The following CERKL variants were observed in gnomAD, a reference collection of about 807,000 sequenced individuals.
The protein encoded by CERKL is ceramide kinase-like protein.
Under a neutral mutation model 63.4 loss-of-function variants are expected in CERKL, and 61 were observed. The ratio of observed to expected loss-of-function variants is 0.96; its 90% CI spans 0.78 to 1.19. The LOEUF is 1.19. Ranked by LOEUF, CERKL falls within the 50% of genes most tolerant of loss-of-function variation. CERKL has a pLI of 0.00. For missense variants in CERKL, 675 were observed against 655.5 expected (o/e 1.03, Z -0.33); for synonymous variants, 250 against 230.5 (o/e 1.08, Z -0.77).
intron 7 of CERKL, 33 bp downstream of exon 7, chr2:181,548,647 G>A (rs1559071917): frequency 1.2e-6 from 2 of 1,612,302 alleles, no homozygotes; most frequent in Admixed American, 1.7e-5. Context: ...ATTGAACCTG[G>A]GATACAATTT....
intron 1 of CERKL, among the ~76,000 whole-genome samples, chr2:181,648,750 T>C (rs565100741): frequency 8.2e-4 from 125 of 152,238 alleles, no homozygotes; most frequent in African/African-American, 2.6e-3. Context: ...AGGGAACACA[T>C]ACTAAAGAAA....
chr2:181,644,730 T>C (rs1263193651), intron 1 of CERKL, among the ~76,000 whole-genome samples: 1 of 152,166 alleles, frequency 6.6e-6, no homozygotes, highest in Non-Finnish European at 1.5e-5. Flanking sequence ...TTGCATTCAA[T>C]GTCTCAGTAT....
chr2:181,581,476 C>G (rs1684508227), intron 2 of CERKL, among the ~76,000 whole-genome samples: 1 of 152,150 alleles, frequency 6.6e-6, no homozygotes, highest in South Asian at 2.1e-4. Context: ...ATGGTAAGAC[C>G]AGTGAATCCT....
In CERKL at chr2:181,538,138, A is replaced by T. The variant is rs1296146344; in HGVS notation, c.*46T>A. Reference sequence around the variant, plus strand: ...GTTTAAAGCATGGCCACATTTCTTTATATTAAAATTCTAGTTTGTACATTT... The same window carrying T: ...GTTTAAAGCATGGCCACATTTCTTTTTATTAAAATTCTAGTTTGTACATTT... On this transcript the variant is annotated 3_prime_UTR_variant, in exon 13 of 13. Coordinates refer to ENST00000410087, the MANE Select transcript of CERKL (RefSeq NM_201548.5). The T allele has an allele frequency of 7.8e-7, 1 of 1,288,484 alleles. No homozygotes were observed. The highest frequency in any genetic ancestry group is 1.2e-5 in the South Asian group (1 of 83,860). 79.8% of individuals were successfully genotyped at this position (1,288,484 alleles called of 1,614,324 possible).
intron 8 of CERKL, 96 bp downstream of exon 8, chr2:181,548,449 A>G (rs1465868513): frequency 1.0e-6 from 1 of 977,814 alleles, no homozygotes; most frequent in Admixed American, 2.0e-5. Flanking sequence ...TATGTTAGAA[A>G]AATAACCAAA....
intron 1 of CERKL, among the ~76,000 whole-genome samples, chr2:181,638,203 CTAA>C (rs974489024): frequency 6.6e-6 from 1 of 152,108 alleles, no homozygotes; most frequent in African/African-American, 2.4e-5. Flanking sequence ...TTTGAAAAAC[CTAA>C]GTAACAAGGT....
intron 1 of CERKL, among the ~76,000 whole-genome samples, chr2:181,632,525 G>C (rs371129722): frequency 6.6e-6 from 1 of 152,084 alleles, no homozygotes; most frequent in African/African-American, 2.4e-5. Context: ...AAACAATTAC[G>C]GGTGCACCTG....
intron 1 of CERKL, among the ~76,000 whole-genome samples, chr2:181,627,277 T>C (rs966436746): frequency 3.9e-5 from 6 of 152,124 alleles, no homozygotes; most frequent in Non-Finnish European, 8.8e-5. Context: ...GCATCCTGAG[T>C]GCCTCCTAAA....
intron 4 of CERKL, among the ~76,000 whole-genome samples, chr2:181,561,550 T>A (rs1185317800): frequency 6.6e-6 from 1 of 152,042 alleles, no homozygotes. Context: ...TATCCCAAAA[T>A]GTATTTTGTT....
chr2:181,652,106 T>G (rs1687963751), intron 1 of CERKL, among the ~76,000 whole-genome samples: 1 of 152,104 alleles, frequency 6.6e-6, no homozygotes, highest in African/African-American at 2.4e-5. Context: ...TTAATGCAAT[T>G]GCTATCAGAA....
intron 2 of CERKL, among the ~76,000 whole-genome samples, chr2:181,577,796 G>GT (rs1684317897): frequency 6.6e-6 from 1 of 152,084 alleles, no homozygotes; most frequent in Admixed American, 6.5e-5. Context: ...GGCAGTAGGG[G>GT]GAAGGGGTCT....
rs36086391 is a variant in CERKL, at chr2:181,554,164, CAAAAAAAAAA to C, written c.820+4392_820+4401del. Among the ~76,000 whole-genome samples, 48 of 94,258 alleles carry C rather than the reference CAAAAAAAAAA, an allele frequency of 5.1e-4. 1 individual carries two copies. The highest frequency in any genetic ancestry group is 1.6e-3 in the African/African-American group (40 of 24,324). The allele number at this position is 94,258 out of a possible 152,430, so 61.8% of individuals were successfully genotyped here. A position where few individuals can be genotyped will look rare whatever the true frequency, so the allele number is the denominator to read the frequency against. On this transcript the variant is annotated intron_variant, in intron 5 of 12. Transcript: ENST00000410087. ...AAATACCAGGGAGAAACTATGGAGGCAAAAAAAAAAAAAAAAAAAAAATGTCCTTGGAAGT... is the reference window on the plus strand; with the variant it reads ...AAATACCAGGGAGAAACTATGGAGGCAAAAAAAAAAAATGTCCTTGGAAGT...
chr2:181,547,243 A>G (rs1363504240), intron 10 of CERKL, among the ~76,000 whole-genome samples: 1 of 152,170 alleles, frequency 6.6e-6, no homozygotes, highest in Non-Finnish European at 1.5e-5. Flanking sequence ...CATATGTGTG[A>G]TTTTCATGCT....
chr2:181,536,864 T>C lies in CERKL; in HGVS notation c.*1320A>G. 1 of 433,006 alleles carries C rather than the reference T, an allele frequency of 2.3e-6. No individual in the cohort carries two copies. 26.8% of individuals were successfully genotyped at this position (433,006 alleles called of 1,614,324 possible). ...CCTTCATAAGAGAGCTGTGGCCGAATTTTGAACATCTGTTATAGGGAGTGA... is the reference window on the plus strand; with the variant it reads ...CCTTCATAAGAGAGCTGTGGCCGAACTTTGAACATCTGTTATAGGGAGTGA... On this transcript the variant is annotated 3_prime_UTR_variant, in exon 13 of 13. Transcript: ENST00000410087.
chr2:181,647,984 A>C (rs905241220), intron 1 of CERKL, among the ~76,000 whole-genome samples: 3 of 152,156 alleles, frequency 2.0e-5, no homozygotes, highest in African/African-American at 7.2e-5. Context: ...AAGCAGAAGA[A>C]AGAATTTCAA....
intron 3 of CERKL, among the ~76,000 whole-genome samples, chr2:181,573,400 A>G (rs913746371): frequency 3.3e-5 from 5 of 152,194 alleles, no homozygotes; most frequent in African/African-American, 9.6e-5. Flanking sequence ...CATCAACTAT[A>G]TAAGTGAGCA....
At chr2:181,560,312 C>A (rs1031620042) in intron 4 of CERKL, among the ~76,000 whole-genome samples, 2 of 152,176 alleles carry the variant, frequency 1.3e-5, no homozygotes, top group African/African-American at 4.8e-5. Context: ...CCCTTACATA[C>A]ATAGGATGCG....
chr2:181,568,706 T>C (rs1467243608), intron 3 of CERKL, among the ~76,000 whole-genome samples: 1 of 151,838 alleles, frequency 6.6e-6, no homozygotes, highest in African/African-American at 2.4e-5. Flanking sequence ...TATTATACTT[T>C]TAAGTTTTAG....
At chr2:181,548,071 T>C in intron 8 of CERKL, 1 of 606,022 alleles carries the variant, frequency 1.7e-6, no homozygotes, top group Non-Finnish European at 2.9e-6. Context: ...AATAATAATG[T>C]ACTATTTCTT....
Sources: gnomAD v4.1 joint callset for allele counts (sites outside exome capture counted in the v4.1 genomes callset) on GRCh38, gnomAD v4.1.1 for gene constraint, MANE v1.5 for transcripts, NCBI Gene and HGNC (gene_info 2026-07-23, HGNC 2026-07-21) for gene names.